The following COLEC12 variants were observed in gnomAD, a reference collection of about 807,000 sequenced individuals.
The protein encoded by COLEC12 is collectin subfamily member 12, also known as collectin-12.
In COLEC12, 33 loss-of-function variants were observed where a neutral mutation model predicts 71.1. That is an observed-to-expected ratio of 0.46 (90% CI 0.35 to 0.62). The LOEUF (loss-of-function observed/expected upper bound fraction) is 0.62. COLEC12 is among the 20% of genes least tolerant of loss of function. The probability of loss-of-function intolerance (pLI) is 0.00; values close to 1 mark genes in which losing one functional copy is unlikely to be tolerated. For missense variants in COLEC12, 765 were observed against 916.1 expected (o/e 0.84, Z 2.13); for synonymous variants, 350 against 353.0 (o/e 0.99, Z 0.10).
At chr18:333,172 T>C (rs1206460094) in intron 6 of COLEC12, 29 bp from the exon 7 acceptor site, 1 of 1,569,564 alleles carries the variant, frequency 6.4e-7, no homozygotes, top group Non-Finnish European at 8.6e-7. Context: ...AAAACATTGA[T>C]TAAAAGATCA....
rs1261149992 is a variant in COLEC12, at chr18:441,128, G to A, written c.58+39579C>T. On this transcript the variant is annotated intron_variant, in intron 2 of 9. Transcript: ENST00000400256. The stretch of plus-strand genomic sequence containing the variant: ...CCAGGCGTGGTGGCGGGCGCCTGTA[G>A]TCCCAGCTGCTGGGGAGGCTGAGGC... Among the ~76,000 whole-genome samples, 9 of 121,208 alleles carry A rather than the reference G, an allele frequency of 7.4e-5. 1 individual carries two copies. Among genetic ancestry groups the A allele is most frequent in the Admixed American group, 4.4e-4 (5 of 11,388 alleles). The allele number at this position is 121,208 out of a possible 152,430, so 79.5% of individuals were successfully genotyped here.
chr18:353,991 T>TAG (rs1197261142), intron 3 of COLEC12, among the ~76,000 whole-genome samples: 3 of 152,206 alleles, frequency 2.0e-5, no homozygotes, highest in African/African-American at 7.2e-5. Context: ...TACCAGTGAC[T>TAG]AGGAATGTTG....
chr18:452,023 G>A (rs9303952), intron 2 of COLEC12, among the ~76,000 whole-genome samples: 20,378 of 152,228 alleles, frequency 0.13, 1,596 homozygotes, highest in Middle Eastern at 0.2. Context: ...ATTTTTTAAA[G>A]ATGAAGCCTT....
At chr18:322,448 T>G (rs2143404583) in intron 8 of COLEC12, among the ~76,000 whole-genome samples, 2 of 152,286 alleles carry the variant, frequency 1.3e-5, no homozygotes, top group East Asian at 3.9e-4. Flanking sequence ...TCACTCCCTT[T>G]TTTGGGAGAG....
intron 2 of COLEC12, among the ~76,000 whole-genome samples, chr18:455,655 C>G (rs9966760): frequency 6.6e-6 from 1 of 151,074 alleles, no homozygotes; most frequent in Non-Finnish European, 1.5e-5. Context: ...TTGCCCCCCC[C>G]TCCCCTGACA....
At chr18:479,550 T>TCTCTCA (rs1555622841) in intron 2 of COLEC12, among the ~76,000 whole-genome samples, 8 of 149,304 alleles carry the variant, frequency 5.4e-5, no homozygotes, top group East Asian at 3.9e-4. Context: ...TCTCTCTCTC[T>TCTCTCA]CACACACACA....
rs1914393254 is a variant in COLEC12 at position 346,992 on chromosome 18, G to T, written c.630C>A (p.Asn210Lys). 4.3e-6 allele frequency: 7 copies of T among 1,614,176 alleles called. No individual in the cohort carries two copies. The highest frequency in any genetic ancestry group is 5.9e-6 in the Non-Finnish European group (7 of 1,180,034). ...NVVIMNLNNL[N>K]LTQVQQRNLI... is the part of the protein sequence containing the mutation. Reference sequence around the variant, plus strand: ...GGTTCCTCTGCTGCACCTGGGTCAGGTTCAGGTTGTTGAGGTTCATGATGA... The same window carrying T: ...GGTTCCTCTGCTGCACCTGGGTCAGTTTCAGGTTGTTGAGGTTCATGATGA... The change falls in exon 5 of 10, where the codon AAC becomes AAA. Residue 210 changes from asparagine (N) to lysine (K), a missense_variant. Coordinates refer to ENST00000400256, the MANE Select transcript of COLEC12 (RefSeq NM_130386.3). The surrounding 1 kb of genome is among the most constrained non-coding windows in gnomAD (Gnocchi z 4.0).
intron 3 of COLEC12, among the ~76,000 whole-genome samples, chr18:354,129 G>A (rs994041308): frequency 6.6e-6 from 1 of 152,200 alleles, no homozygotes; most frequent in Non-Finnish European, 1.5e-5. Context: ...AAATATTCTG[G>A]AAGAAACATG....
chr18:405,537 G>A (rs757147050), intron 2 of COLEC12, among the ~76,000 whole-genome samples: 4 of 152,036 alleles, frequency 2.6e-5, no homozygotes, highest in South Asian at 2.1e-4. Flanking sequence ...TTTCTCAGCC[G>A]GCTGACACTT....
At chr18:369,366 C>T (rs1032034541) in intron 2 of COLEC12, among the ~76,000 whole-genome samples, 8 of 151,318 alleles carry the variant, frequency 5.3e-5, no homozygotes, top group Middle Eastern at 3.2e-3. Context: ...TCCTTTCCTT[C>T]CCCGGAGGTG....
intron 8 of COLEC12, among the ~76,000 whole-genome samples, 184 bp from the exon 9 acceptor site, chr18:321,991 T>A (rs531748704): frequency 6.6e-6 from 1 of 152,310 alleles, no homozygotes; most frequent in East Asian, 1.9e-4. Context: ...TGCAGAGTAA[T>A]GCATAATGCG....
intron 2 of COLEC12, among the ~76,000 whole-genome samples, chr18:455,659 CCT>C (rs1182181055): frequency 1.3e-5 from 2 of 151,814 alleles, no homozygotes; most frequent in Non-Finnish European, 2.9e-5. Context: ...CCCCCCCTCC[CCT>C]GACAGGCCTG....
intron 2 of COLEC12, among the ~76,000 whole-genome samples, chr18:422,622 T>C (rs1010663414): frequency 8.6e-5 from 13 of 151,962 alleles, no homozygotes; most frequent in Admixed American, 8.5e-4. Flanking sequence ...GTTAATAGTT[T>C]ATATTTTTAT....
At chr18:434,768 T>C (rs1379363837) in intron 2 of COLEC12, among the ~76,000 whole-genome samples, 1 of 152,240 alleles carries the variant, frequency 6.6e-6, no homozygotes, top group Non-Finnish European at 1.5e-5. Flanking sequence ...ATACAGTGGC[T>C]CTTTTTTTCC....
chr18:460,305 GAC>G, intron 2 of COLEC12, among the ~76,000 whole-genome samples: 2 of 151,386 alleles, frequency 1.3e-5, no homozygotes, highest in African/African-American at 4.9e-5. Flanking sequence ...AGGTTTTATG[GAC>G]TTTGTGTCAC....
chr18:390,732 C>A (rs369011727), intron 2 of COLEC12, among the ~76,000 whole-genome samples: 2 of 152,008 alleles, frequency 1.3e-5, no homozygotes, highest in African/African-American at 4.8e-5. Flanking sequence ...TGCACTCCAG[C>A]CTGGGCCACA....
At chr18:350,722 G>GA (rs1491553299) in intron 3 of COLEC12, among the ~76,000 whole-genome samples, 6 of 152,036 alleles carry the variant, frequency 3.9e-5, no homozygotes, top group Non-Finnish European at 5.9e-5. Flanking sequence ...GAGCTCAGGA[G>GA]TTCAAGACCA....
chr18:433,421 G>A (rs564463255), intron 2 of COLEC12, among the ~76,000 whole-genome samples: 42 of 152,238 alleles, frequency 2.8e-4, no homozygotes, highest in African/African-American at 9.9e-4. Flanking sequence ...AGGCAGGACT[G>A]GTAAGTCCCG....
chr18:409,207 A>G (rs926425747), intron 2 of COLEC12, among the ~76,000 whole-genome samples: 1 of 152,230 alleles, frequency 6.6e-6, no homozygotes, highest in Non-Finnish European at 1.5e-5. Flanking sequence ...AAAGAAAATT[A>G]TCTGGCTATT....
Sources: gnomAD v4.1 joint callset for allele counts (sites outside exome capture counted in the v4.1 genomes callset) on GRCh38, gnomAD v4.1.1 for gene constraint, Gnocchi (gnomAD v3.1) non-coding constraint, MANE v1.5 for transcripts, NCBI Gene and HGNC (gene_info 2026-07-23, HGNC 2026-07-21) for gene names.